SLC16A3: variants seen among roughly 807,000 people sequenced by gnomAD.
The protein encoded by SLC16A3 is solute carrier family 16 member 3.
SLC16A3 carries 22 observed loss-of-function variants against 25.0 expected under a neutral mutation model. The ratio of observed to expected loss-of-function variants is 0.88; its 90% CI spans 0.63 to 1.26. The LOEUF (loss-of-function observed/expected upper bound fraction) is 1.26. SLC16A3 is among the 50% of genes most tolerant of loss of function. The pLI is 0.00. For missense variants in SLC16A3, 731 were observed against 666.6 expected (o/e 1.10, Z -1.06); for synonymous variants, 390 against 309.2 (o/e 1.26, Z -2.74).
At chr17:82,225,255 T>C (rs1346002604), upstream of SLC16A3, among the ~76,000 whole-genome samples, 1 of 151,892 alleles carries the variant, frequency 6.6e-6, no homozygotes, top group Non-Finnish European at 1.5e-5. Context: ...AGTGAGACTC[T>C]GTCAAAAAAA....
chr17:82,235,688 C>T, intron 1 of SLC16A3: 1 of 451,372 alleles, frequency 2.2e-6, no homozygotes, highest in African/African-American at 2.0e-5. Flanking sequence ...CTGTCGGGGG[C>T]TGCTTGTCCC....
chr17:82,234,854 C>T (rs1035527042), intron 1 of SLC16A3: 4 of 152,412 alleles, frequency 2.6e-5, no homozygotes, highest in African/African-American at 9.6e-5. Context: ...GGGGTGGAGC[C>T]CCACAGATTG....
upstream of SLC16A3, among the ~76,000 whole-genome samples, chr17:82,226,648 C>T (rs1281210037): frequency 5.3e-5 from 8 of 152,248 alleles, no homozygotes; most frequent in East Asian, 1.5e-3. Flanking sequence ...TCAGATGGAG[C>T]CTGGCCACCT....
At chr17:82,232,105 A>G (rs2050506762) in intron 1 of SLC16A3, 1 of 152,236 alleles carries the variant, frequency 6.6e-6, no homozygotes, top group Non-Finnish European at 1.5e-5. Flanking sequence ...GGCGCTGGCC[A>G]CAGAGGCCGC....
chr17:82,224,956 C>G, upstream of SLC16A3, among the ~76,000 whole-genome samples: 1 of 152,194 alleles, frequency 6.6e-6, no homozygotes, highest in Non-Finnish European at 1.5e-5. Context: ...CACCTCTGCC[C>G]CCTACCTGGG....
chr17:82,237,086 T>C (rs2050621819), intron 3 of SLC16A3, 52 bp from the exon 4 acceptor site: 4 of 1,466,500 alleles, frequency 2.7e-6, no homozygotes, highest in East Asian at 4.9e-5. Context: ...GATGAGGGTC[T>C]CGGGCTTTGG....
intron 1 of SLC16A3, chr17:82,234,346 G>A (rs924537394): frequency 1.3e-5 from 2 of 152,470 alleles, no homozygotes; most frequent in African/African-American, 4.8e-5. Flanking sequence ...CAGGTGCAGA[G>A]GCAAAAGCTG....
intron 1 of SLC16A3, chr17:82,233,984 GCGCC>G: frequency 6.6e-6 from 1 of 152,202 alleles, no homozygotes; most frequent in Non-Finnish European, 1.5e-5. Context: ...GGGACTACAG[GCGCC>G]TGCCACTGCG....
intron 1 of SLC16A3, chr17:82,229,898 G>A (rs1460660004): frequency 6.6e-6 from 1 of 152,570 alleles, no homozygotes; most frequent in Non-Finnish European, 1.5e-5. Flanking sequence ...GGTGGCTGGA[G>A]TCGGTGAGGG....
At chr17:82,225,579 G>C (rs1026678476), upstream of SLC16A3, among the ~76,000 whole-genome samples, 3 of 152,246 alleles carry the variant, frequency 2.0e-5, no homozygotes, top group Admixed American at 6.5e-5. Context: ...GGGCAGCCCA[G>C]GACCCCAGGG....
chr17:82,224,695 T>C (rs1008805442), upstream of SLC16A3, among the ~76,000 whole-genome samples: 2 of 146,028 alleles, frequency 1.4e-5, no homozygotes, highest in African/African-American at 5.1e-5. Flanking sequence ...CCTACACCCG[T>C]GCACAGACAC....
At chr17:82,237,040 C>G in intron 3 of SLC16A3, 98 bp from the exon 4 acceptor site, 1 of 1,458,014 alleles carries the variant, frequency 6.9e-7, no homozygotes, top group East Asian at 2.5e-5. Context: ...GGCTCTGCAC[C>G]CTGGGAGCCT....
At position 82,238,014 on chromosome 17, in the gene SLC16A3, G is replaced by C. The variant is rs567213606; in HGVS notation, c.1123+121G>C. ...CGCAGTGTGGGACTCAGAGCTGGAG[G>C]GGGTGCACTGTGCTGGACCAACCCT... On this transcript the variant is annotated intron_variant, in intron 4 of 4. Transcript: ENST00000582743. 25 of 1,210,994 alleles carry C rather than the reference G, an allele frequency of 2.1e-5. No homozygotes were observed. The South Asian group carries it at 2.9e-4, about 14-fold the overall frequency. The allele number at this position is 1,210,994 out of a possible 1,614,324, so 75.0% of individuals were successfully genotyped here.
intron 2 of SLC16A3, 99 bp from the exon 3 acceptor site, chr17:82,236,630 T>G: frequency 4.1e-6 from 6 of 1,477,332 alleles, no homozygotes; most frequent in Non-Finnish European, 5.5e-6. Flanking sequence ...GGAGGGGTGG[T>G]GTGGGAAGGG....
At chr17:82,221,394 G>GTACAAAAACA (rs1380516099) in intron 1 of SLC16A3, among the ~76,000 whole-genome samples, 2 of 151,660 alleles carry the variant, frequency 1.3e-5, no homozygotes, top group East Asian at 3.9e-4. Context: ...AACCCTGTCT[G>GTACAAAAACA]TACAAAAACA....
intron 1 of SLC16A3, chr17:82,229,802 A>C (rs1180261750): frequency 1.3e-5 from 2 of 152,274 alleles, no homozygotes; most frequent in Non-Finnish European, 2.9e-5. Context: ...TGGGTTGGTC[A>C]GGAGCCTCCC....
rs1474952164 is a variant in SLC16A3, at chr17:82,236,878, T to C, written c.367+6T>C. 1.2e-6 allele frequency: 2 copies of C among 1,603,990 alleles called. No individual in the cohort carries two copies. The highest frequency in any genetic ancestry group is 1.1e-5 in the South Asian group (1 of 91,038). On this transcript the variant is annotated splice_donor_region_variant and intron_variant, in intron 3 of 4. Transcript: ENST00000582743. ...CACCACTGGGGTCATCACGGGTGAG[T>C]GGGGCCGGCCGGTGGGCCGCACGTG...
upstream of SLC16A3, among the ~76,000 whole-genome samples, chr17:82,227,713 A>G (rs1216086735): frequency 2.0e-5 from 3 of 148,622 alleles, 1 homozygote; most frequent in South Asian, 4.2e-4. Context: ...TAGAGTCTTC[A>G]TCTGTGAAGT....
At chr17:82,232,714 C>T (rs960117487) in intron 1 of SLC16A3, among the ~76,000 whole-genome samples, 1 of 152,142 alleles carries the variant, frequency 6.6e-6, no homozygotes, top group Non-Finnish European at 1.5e-5. Context: ...CTTGGGAGGG[C>T]GCATGGCTGT....
Sources: gnomAD v4.1 joint callset for allele counts (sites outside exome capture counted in the v4.1 genomes callset) on GRCh38, gnomAD v4.1.1 for gene constraint, MANE v1.5 for transcripts, NCBI Gene and HGNC (gene_info 2026-07-23, HGNC 2026-07-21) for gene names.